Variants in MLLT10 observed in about 807,000 individuals in gnomAD.
The protein encoded by MLLT10 is MLLT10 histone lysine methyltransferase DOT1L cofactor.
MLLT10 carries 30 observed loss-of-function variants against 129.1 expected under a neutral mutation model. The ratio of observed to expected loss-of-function variants is 0.23; its 90% CI spans 0.17 to 0.32. The LOEUF (loss-of-function observed/expected upper bound fraction) is 0.32, where lower values mean the gene tolerates loss of function less well. Ranked by LOEUF, MLLT10 falls within the 10% of genes least tolerant of loss-of-function variation. The pLI, the probability that MLLT10 is intolerant of heterozygous loss-of-function variation, is 1.00. For synonymous variants in MLLT10, 490 were observed against 446.4 expected (o/e 1.10, Z -1.23); for missense variants, 1,119 against 1,268.3 (o/e 0.88, Z 1.79).
At chr10:21,615,425 C>G (rs1386292525) in intron 7 of MLLT10, among the ~76,000 whole-genome samples, 1 of 141,646 alleles carries the variant, frequency 7.1e-6, no homozygotes, top group African/African-American at 2.6e-5. Context: ...CCATTACACT[C>G]CAGCCTGGGA....
At chr10:21,552,368 C>A (rs2037197313) in intron 3 of MLLT10, among the ~76,000 whole-genome samples, 1 of 130,884 alleles carries the variant, frequency 7.6e-6, no homozygotes, top group Non-Finnish European at 1.6e-5. Flanking sequence ...AAGACTAAAT[C>A]TTTGTATATC....
At chr10:21,686,050 G>A (rs7097664) in intron 13 of MLLT10, among the ~76,000 whole-genome samples, 2,251 of 152,158 alleles carry the variant, frequency 0.015, 55 homozygotes, top group African/African-American at 0.051. Context: ...CTATAAAACT[G>A]AACTATAATC....
intron 11 of MLLT10, among the ~76,000 whole-genome samples, chr10:21,681,000 G>A (rs770342643): frequency 6.6e-6 from 1 of 151,354 alleles, no homozygotes; most frequent in African/African-American, 2.4e-5. Context: ...ATCATGTTGC[G>A]AATCATACTT....
chr10:21,584,606 A>G (rs755303040), intron 3 of MLLT10, among the ~76,000 whole-genome samples: 22 of 151,820 alleles, frequency 1.4e-4, no homozygotes, highest in Non-Finnish European at 2.8e-4. Flanking sequence ...GAGGCACTGC[A>G]CCCGGCCTCA....
Position 21,651,661 on chromosome 10 carries a change from A to T in MLLT10, c.700-12A>T, listed in dbSNP as rs764919415. 42 of 1,598,886 alleles carry T rather than the reference A, an allele frequency of 2.6e-5. No homozygotes were observed. Among genetic ancestry groups the T allele is most frequent in the Non-Finnish European group, 3.6e-5 (42 of 1,168,870 alleles). ...TAAATTAAAATTGGATTTTACTTATATTCGTTTTTAGAAATATAAAGAGAA... is the reference window on the plus strand; with the variant it reads ...TAAATTAAAATTGGATTTTACTTATTTTCGTTTTTAGAAATATAAAGAGAA... On this transcript the variant is annotated splice_polypyrimidine_tract_variant and intron_variant, in intron 8 of 22. Coordinates refer to ENST00000307729, the MANE Select transcript of MLLT10 (RefSeq NM_001195626.3).
At chr10:21,641,211 T>G (rs2047966142) in intron 8 of MLLT10, among the ~76,000 whole-genome samples, 1 of 152,184 alleles carries the variant, frequency 6.6e-6, no homozygotes, top group African/African-American at 2.4e-5. Flanking sequence ...TCTTGTTAAT[T>G]TGTATGTAAT....
chr10:21,707,186 A>G (rs1412619228), intron 13 of MLLT10, among the ~76,000 whole-genome samples: 2 of 146,362 alleles, frequency 1.4e-5, no homozygotes, highest in Non-Finnish European at 3.0e-5. Flanking sequence ...TCAAGTTTAG[A>G]TGATTTTTTT....
chr10:21,615,180 G>A (rs2045104818), intron 7 of MLLT10, among the ~76,000 whole-genome samples: 1 of 151,910 alleles, frequency 6.6e-6, no homozygotes, highest in Non-Finnish European at 1.5e-5. Flanking sequence ...ATATTAGGCC[G>A]GGTGTTGTGG....
intron 4 of MLLT10, 127 bp downstream of exon 4, chr10:21,586,475 T>G (rs2041997238): frequency 1.3e-6 from 1 of 781,638 alleles, no homozygotes; most frequent in Admixed American, 2.9e-5. Context: ...TTAACAGTGG[T>G]GGCTATAATT....
Position 21,726,254 on chromosome 10 carries a change from T to C in MLLT10, c.1889T>C (p.Leu630Pro), listed in dbSNP as rs190385498. Residue 630 changes from leucine (L) to proline (P), a missense_variant, in exon 15 of 23, where the codon CTA becomes CCA. Physicochemically the swap from Leu to Pro is moderately conservative, Grantham distance 98. Transcript: ENST00000307729. Reference protein sequence around the residue: ...PAVATTQANTLSGSSLSQAPS... With the variant: ...PAVATTQANTPSGSSLSQAPS... ...ATTTTTTCCATTTAGGCAAATACTCTATCTGGATCTTCTCTCAGTCAGGCA... is the reference window on the plus strand; with the variant it reads ...ATTTTTTCCATTTAGGCAAATACTCCATCTGGATCTTCTCTCAGTCAGGCA... 5.6e-6 allele frequency: 9 copies of C among 1,604,990 alleles called. No homozygotes were observed. The highest frequency in any genetic ancestry group is 1.3e-5 in the African/African-American group (1 of 74,742).
intron 9 of MLLT10, 102 bp from the exon 10 acceptor site, chr10:21,670,347 T>C (rs1380284241): frequency 8.9e-7 from 1 of 1,119,988 alleles, no homozygotes; most frequent in African/African-American, 1.6e-5. Context: ...AGAAACTTTG[T>C]GTTTATTCTG....
chr10:21,628,190 A>G (rs757040366), intron 8 of MLLT10, among the ~76,000 whole-genome samples: 7 of 152,148 alleles, frequency 4.6e-5, no homozygotes, highest in Non-Finnish European at 1.0e-4. Context: ...GTTTTATTGT[A>G]TGGGAACATC....
intron 8 of MLLT10, among the ~76,000 whole-genome samples, chr10:21,638,724 C>T (rs2047697115): frequency 1.3e-5 from 2 of 152,066 alleles, no homozygotes; most frequent in Admixed American, 6.6e-5. Context: ...TACATGTGGC[C>T]ATTGAGGCCT....
In MLLT10 at chr10:21,670,623, A is replaced by G. The variant is rs970703805; in HGVS notation, c.970A>G (p.Ser324Gly). ...EGKGKKSSAHSSGQRGRKPGG... is the reference protein window; with the variant it reads ...EGKGKKSSAHGSGQRGRKPGG... ...CAAAGGGAAGAAATCTTCAGCTCACAGCTCAGGTCAAAGGGGAAGAAAGCC... is the reference window on the plus strand; with the variant it reads ...CAAAGGGAAGAAATCTTCAGCTCACGGCTCAGGTCAAAGGGGAAGAAAGCC... Residue 324 changes from serine (S) to glycine (G), a missense_variant, in exon 10 of 23, where the codon AGC becomes GGC. Physicochemically the swap from Ser to Gly is moderately conservative, Grantham distance 56. Transcript: ENST00000307729. 3 of 1,614,094 alleles carry G rather than the reference A, an allele frequency of 1.9e-6. No individual in the cohort carries two copies. Among genetic ancestry groups the G allele is most frequent in the African/African-American group, 2.7e-5 (2 of 74,950 alleles).
intron 8 of MLLT10, among the ~76,000 whole-genome samples, chr10:21,639,410 C>T (rs1053388676): frequency 1.3e-5 from 2 of 152,158 alleles, no homozygotes; most frequent in African/African-American, 4.8e-5. Context: ...ACTTGGGGTT[C>T]CCACAGCCCC....
chr10:21,720,278 T>A (rs1313868272), intron 14 of MLLT10, among the ~76,000 whole-genome samples: 1 of 152,212 alleles, frequency 6.6e-6, no homozygotes, highest in African/African-American at 2.4e-5. Context: ...TAATGTGGAA[T>A]GATGCAATTG....
At chr10:21,557,300 C>A in intron 3 of MLLT10, 1 of 522,114 alleles carries the variant, frequency 1.9e-6, no homozygotes, top group Non-Finnish European at 2.6e-6. Context: ...ATCATGGACA[C>A]TGTCCATTTT....
At chr10:21,729,153 T>G (rs1215152076) in intron 16 of MLLT10, among the ~76,000 whole-genome samples, 1 of 152,172 alleles carries the variant, frequency 6.6e-6, no homozygotes, top group Non-Finnish European at 1.5e-5. Flanking sequence ...AATGATAACA[T>G]GATCTGACTA....
At chr10:21,627,152 C>G (rs966239072) in intron 8 of MLLT10, among the ~76,000 whole-genome samples, 1 of 152,106 alleles carries the variant, frequency 6.6e-6, no homozygotes, top group South Asian at 2.1e-4. Flanking sequence ...TAACATTTTA[C>G]CATATTAATG....
Sources: allele counts gnomAD v4.1 joint callset (sites outside exome capture counted in the v4.1 genomes callset), GRCh38; gene constraint gnomAD v4.1.1; transcripts MANE v1.5; gene names NCBI Gene and HGNC (gene_info 2026-07-23, HGNC 2026-07-21).